TRIM23: variants seen among roughly 807,000 people sequenced by gnomAD.
TRIM23 encodes E3 ubiquitin-protein ligase TRIM23.
A neutral mutation model predicts 71.0 loss-of-function variants in TRIM23; 27 were observed. That is an observed-to-expected ratio of 0.38 (90% CI 0.28 to 0.52). TRIM23 has a LOEUF of 0.52. Among genes scored for constraint, TRIM23 ranks in the 20% least tolerant of loss-of-function variants. The pLI, the probability that TRIM23 is intolerant of heterozygous loss-of-function variation, is 0.84. For missense variants in TRIM23, 482 were observed against 692.3 expected, an observed-to-expected ratio of 0.70 and a Z score of 3.41; for synonymous variants, 234 against 238.0, an observed-to-expected ratio of 0.98 and a Z score of 0.16.
intron 6 of TRIM23, among the ~76,000 whole-genome samples, chr5:65,606,542 C>T (rs1007671147): frequency 1.3e-5 from 2 of 151,678 alleles, no homozygotes; most frequent in African/African-American, 4.8e-5. Flanking sequence ...TCTCTATTAA[C>T]CTCTGATTTC....
At chr5:65,622,590 C>T (rs1754974379) in intron 1 of TRIM23, among the ~76,000 whole-genome samples, 1 of 152,234 alleles carries the variant, frequency 6.6e-6, no homozygotes, top group South Asian at 2.1e-4. Context: ...TTATATACTT[C>T]AACTTTTACC....
At chr5:65,611,546 A>G in intron 4 of TRIM23, 57 bp downstream of exon 4, 1 of 1,559,204 alleles carries the variant, frequency 6.4e-7, no homozygotes, top group Non-Finnish European at 8.7e-7. Flanking sequence ...GTGAAAACGA[A>G]TACTGAGCTG....
chr5:65,597,433 C>A (rs1317818232), intron 7 of TRIM23, among the ~76,000 whole-genome samples: 1 of 152,054 alleles, frequency 6.6e-6, no homozygotes, highest in African/African-American at 2.4e-5. Flanking sequence ...GATTTTCTAA[C>A]TCAAATGAAT....
rs763214589 is a variant in TRIM23 at position 65,591,959 on chromosome 5, T to G, written c.1546-11A>C. 6.2e-7 allele frequency: 1 copy of G among 1,609,042 alleles called. No individual in the cohort carries two copies. ...TGCTCCAGCAACATCCTGAAAGATA[T>G]ATACACATATTTTTTATCAGTCCAT... On this transcript the variant is annotated splice_polypyrimidine_tract_variant and intron_variant, in intron 10 of 10. Transcript: ENST00000231524.
Position 65,605,048 on chromosome 5 carries a change from A to AT in TRIM23, c.1045-4dup, listed in dbSNP as rs769530815. The AT allele has an allele frequency of 6.2e-6, 10 of 1,600,012 alleles. No individual in the cohort carries two copies. The South Asian group carries it at 1.0e-4, about 16-fold the overall frequency. ...GCCAAGACAACTCTACAATCATCCT[A>AT]TAAGAGGCAAAACAATATTTCTTAT... On this transcript the variant is annotated splice_polypyrimidine_tract_variant and splice_region_variant and intron_variant, in intron 6 of 10. Coordinates refer to ENST00000231524, the MANE Select transcript of TRIM23 (RefSeq NM_001656.4).
At chr5:65,605,099 A>C (rs537115243) in intron 6 of TRIM23, 54 bp from the exon 7 acceptor site, 17 of 1,491,502 alleles carry the variant, frequency 1.1e-5, no homozygotes, top group Non-Finnish European at 1.5e-5. Flanking sequence ...AATAAGGAAA[A>C]GAGACTTATA....
intron 2 of TRIM23, among the ~76,000 whole-genome samples, chr5:65,615,170 G>C (rs528735110): frequency 6.6e-6 from 1 of 152,160 alleles, no homozygotes; most frequent in Non-Finnish European, 1.5e-5. Context: ...CCAAAGTGCT[G>C]GGATTACAGG....
intron 7 of TRIM23, among the ~76,000 whole-genome samples, chr5:65,601,277 G>A (rs1460779781): frequency 6.6e-6 from 1 of 152,118 alleles, no homozygotes; most frequent in Non-Finnish European, 1.5e-5. Context: ...CAAACAAAAT[G>A]TGGTATACAC....
chr5:65,592,723 GAC>G (rs1754078292), intron 10 of TRIM23, among the ~76,000 whole-genome samples: 1 of 152,096 alleles, frequency 6.6e-6, no homozygotes. Flanking sequence ...CATGCAAAGA[GAC>G]ACAAACAGGA....
intron 1 of TRIM23, among the ~76,000 whole-genome samples, chr5:65,619,666 A>G (rs1171716503): frequency 6.6e-6 from 1 of 152,228 alleles, no homozygotes; most frequent in Non-Finnish European, 1.5e-5. Flanking sequence ...TTAGTCCTTC[A>G]ATGTAAATAA....
chr5:65,608,909 A>C (rs1754574773), intron 6 of TRIM23, among the ~76,000 whole-genome samples: 2 of 151,942 alleles, frequency 1.3e-5, no homozygotes, highest in South Asian at 4.2e-4. Context: ...GAAGATTTCC[A>C]CTATTAGAAA....
At chr5:65,596,324 G>A (rs2150622186) in intron 9 of TRIM23, 97 bp downstream of exon 9, 4 of 833,294 alleles carry the variant, frequency 4.8e-6, no homozygotes, top group East Asian at 2.6e-5. Flanking sequence ...TACAGTCAAC[G>A]ACTTAATCAT....
chr5:65,621,831 TA>T lies in TRIM23; in HGVS notation c.81+2362del, dbSNP rs201547319. 8.0e-5 allele frequency among the ~76,000 whole-genome samples: 12 copies of T among 150,938 alleles called. No homozygotes were observed. In the South Asian group the frequency reaches 1.2e-3, roughly 16 times the overall value. On this transcript the variant is annotated intron_variant, in intron 1 of 10. Transcript: ENST00000231524. ...ATTTTATGTTGTTATTTATTATTATTATTATTTTTTTTTTGAGAAAGGGTCT... is the reference window on the plus strand; with the variant it reads ...ATTTTATGTTGTTATTTATTATTATTTTATTTTTTTTTTGAGAAAGGGTCT...
chr5:65,605,826 T>C (rs154942), intron 6 of TRIM23, among the ~76,000 whole-genome samples: 94,293 of 151,996 alleles, frequency 0.62, 29,510 homozygotes, highest in South Asian at 0.65. Flanking sequence ...CTCATGTTAG[T>C]TGACAGCAAT....
chr5:65,594,776 G>C, intron 9 of TRIM23, 131 bp from the exon 10 acceptor site: 1 of 849,834 alleles, frequency 1.2e-6, no homozygotes, highest in Non-Finnish European at 1.7e-6. Context: ...CACACAGAGG[G>C]TGCCTAGTAT....
At chr5:65,614,275 T>C in intron 2 of TRIM23, 56 bp from the exon 3 acceptor site, 1 of 1,532,950 alleles carries the variant, frequency 6.5e-7, no homozygotes, top group Non-Finnish European at 9.0e-7. Flanking sequence ...ATTAATCATT[T>C]TACCCATACC....
chr5:65,620,516 T>C (rs1207853090), intron 1 of TRIM23, among the ~76,000 whole-genome samples: 2 of 152,172 alleles, frequency 1.3e-5, no homozygotes, highest in Non-Finnish European at 2.9e-5. Flanking sequence ...AATGATTTCA[T>C]ATGATTAAAA....
At chr5:65,621,585 A>C (rs950893269) in intron 1 of TRIM23, among the ~76,000 whole-genome samples, 4 of 152,188 alleles carry the variant, frequency 2.6e-5, no homozygotes, top group Non-Finnish European at 4.4e-5. Flanking sequence ...ATTGATTAGC[A>C]AACCAAACAC....
chr5:65,620,148 C>A (rs763433284), intron 1 of TRIM23, among the ~76,000 whole-genome samples: 4 of 152,024 alleles, frequency 2.6e-5, no homozygotes, highest in Non-Finnish European at 4.4e-5. Flanking sequence ...CAGATTAGAT[C>A]AAAAATGTTG....
Sources: allele counts gnomAD v4.1 joint callset (sites outside exome capture counted in the v4.1 genomes callset), GRCh38; gene constraint gnomAD v4.1.1; transcripts MANE v1.5; gene names NCBI Gene and HGNC (gene_info 2026-07-23, HGNC 2026-07-21).